Variants in MTMR7 observed in about 807,000 individuals in gnomAD.
MTMR7 encodes phosphatidylinositol-3-phosphate phosphatase MTMR7.
A neutral mutation model predicts 81.2 loss-of-function variants in MTMR7; 76 were observed. The ratio of observed to expected loss-of-function variants is 0.94; its 90% CI spans 0.78 to 1.13. The LOEUF (loss-of-function observed/expected upper bound fraction) is 1.13. Ranked by LOEUF, MTMR7 falls within the 50% of genes most tolerant of loss-of-function variation. MTMR7 has a pLI of 0.00. For missense variants in MTMR7, 1,044 were observed against 820.0 expected (o/e 1.27, Z -3.34); for synonymous variants, 372 against 289.8 (o/e 1.28, Z -2.88).
intron 7 of MTMR7, among the ~76,000 whole-genome samples, chr8:17,330,216 C>T (rs1026854993): frequency 7.2e-5 from 11 of 152,168 alleles, no homozygotes; most frequent in African/African-American, 2.2e-4. Flanking sequence ...TGAGAGCAAA[C>T]GTGGATTCCT....
rs55910829 is a variant in MTMR7, at chr8:17,346,884, T to TAAAAAAAA, written c.597+2061_597+2068dup. On this transcript the variant is annotated intron_variant, in intron 5 of 13. Transcript: ENST00000180173. ...CCTATCTCTATTTATCCTATCTTAA[T>TAAAAAAAA]AAAAAAAAAAAAAAAAAAAAAAAAA... is the stretch of plus-strand genomic sequence containing the variant. 1.4e-4 allele frequency among the ~76,000 whole-genome samples: 9 copies of TAAAAAAAA among 65,048 alleles called. 1 individual carries two copies. Among genetic ancestry groups the TAAAAAAAA allele is most frequent in the African/African-American group, 4.4e-4 (8 of 18,136 alleles). The allele number at this position is 65,048 out of a possible 152,430, so 42.7% of individuals were successfully genotyped here.
At chr8:17,357,013 T>C (rs1027522389) in intron 4 of MTMR7, among the ~76,000 whole-genome samples, 3 of 151,984 alleles carry the variant, frequency 2.0e-5, no homozygotes, top group African/African-American at 7.3e-5. Context: ...CTACAAGACA[T>C]ATACAGCCCA....
intron 3 of MTMR7, 76 bp from the exon 4 acceptor site, chr8:17,361,350 C>G: frequency 6.4e-7 from 1 of 1,556,324 alleles, no homozygotes; most frequent in South Asian, 1.1e-5. Context: ...AACATTCTGT[C>G]CCACCTGGAG....
At chr8:17,374,959 G>A (rs565925374) in intron 1 of MTMR7, among the ~76,000 whole-genome samples, 101 of 152,176 alleles carry the variant, frequency 6.6e-4, no homozygotes, top group Middle Eastern at 6.8e-3. Flanking sequence ...CGTGGTGCCC[G>A]GCACCTATAA....
rs1353086612 is a variant in MTMR7 at position 17,311,633 on chromosome 8, C to A, written c.979G>T (p.Val327Leu). Residue 327 changes from valine (V) to leucine (L), a missense_variant, in exon 9 of 14, where the codon GTG becomes TTG. By Grantham distance (32) the Val-to-Leu change is conservative. Transcript: ENST00000180173. Reference protein sequence around the residue: ...MDAGIFIAKAVSEEGASVLVH... With the variant: ...MDAGIFIAKALSEEGASVLVH... The stretch of plus-strand genomic sequence containing the variant: ...AGCACACTTGCCCCTTCCTCTGACA[C>A]TGCCTAGAAAACACACGATCCGCAA... 1 of 1,614,156 alleles carries A rather than the reference C, an allele frequency of 6.2e-7. No individual in the cohort carries two copies. The highest frequency in any genetic ancestry group is 2.2e-5 in the East Asian group (1 of 44,878).
Position 17,373,166 on chromosome 8 carries a change from G to A in MTMR7, c.99C>T (p.Thr33=). 6.2e-7 allele frequency: 1 copy of A among 1,613,676 alleles called. No homozygotes were observed. Among genetic ancestry groups the A allele is most frequent in the South Asian group, 1.1e-5 (1 of 91,052 alleles). ...GTGAATTTTCCACGAATATGACATG[G>A]GTAGCCGTCAAATACAAAGTACCTA... is the stretch of plus-strand genomic sequence containing the variant. ...AALGTLYLTA[T]HVIFVENSPD... is the part of the protein sequence containing the mutation. The change falls in exon 2 of 14, where the codon ACC becomes ACT. Residue 33 remains threonine, a synonymous_variant. Transcript: ENST00000180173.
intron 1 of MTMR7, among the ~76,000 whole-genome samples, chr8:17,377,785 A>G (rs1220646616): frequency 6.6e-6 from 1 of 152,162 alleles, no homozygotes; most frequent in Non-Finnish European, 1.5e-5. Context: ...TTTGACCTGA[A>G]AGTTTTTAAG....
intron 7 of MTMR7, among the ~76,000 whole-genome samples, chr8:17,315,455 G>A (rs929285275): frequency 1.3e-5 from 2 of 152,118 alleles, no homozygotes; most frequent in African/African-American, 4.8e-5. Context: ...AGAGGGAACC[G>A]TACAGTGGAC....
chr8:17,330,078 T>C (rs562535748), intron 7 of MTMR7, among the ~76,000 whole-genome samples: 19 of 152,166 alleles, frequency 1.2e-4, no homozygotes, highest in Non-Finnish European at 2.6e-4. Flanking sequence ...TGTTCAAAGT[T>C]TCATAATGAC....
At chr8:17,408,837 G>A (rs1347670975) in intron 1 of MTMR7, among the ~76,000 whole-genome samples, 4 of 151,998 alleles carry the variant, frequency 2.6e-5, no homozygotes, top group Admixed American at 6.6e-5. Context: ...ACTACTAATG[G>A]GCTAACTACT....
At chr8:17,395,127 T>C (rs1448966300) in intron 1 of MTMR7, among the ~76,000 whole-genome samples, 1 of 152,142 alleles carries the variant, frequency 6.6e-6, no homozygotes, top group African/African-American at 2.4e-5. Context: ...TTTTCATTTC[T>C]AAGAATTCTA....
chr8:17,398,387 T>C (rs1256037804), intron 1 of MTMR7, among the ~76,000 whole-genome samples: 1 of 151,530 alleles, frequency 6.6e-6, no homozygotes, highest in African/African-American at 2.4e-5. Flanking sequence ...AATTCTGGAG[T>C]TGAAAAATGC....
chr8:17,304,768 T>TGTGTGTGTGTGTGTGTGTG (rs1563315402), intron 11 of MTMR7, among the ~76,000 whole-genome samples: 5 of 147,630 alleles, frequency 3.4e-5, no homozygotes, highest in Admixed American at 6.8e-5. Context: ...TGTGTGTGTG[T>TGTGTGTGTGTGTGTGTGTG]TAAGCTGTTC....
intron 1 of MTMR7, among the ~76,000 whole-genome samples, chr8:17,406,796 G>A (rs183695279): frequency 6.6e-6 from 1 of 152,098 alleles, no homozygotes; most frequent in Non-Finnish European, 1.5e-5. Context: ...AAAACGAAAT[G>A]AAGTACTGAT....
intron 12 of MTMR7, 55 bp from the exon 13 acceptor site, chr8:17,302,335 C>T (rs1050752866): frequency 9.6e-6 from 15 of 1,559,212 alleles, no homozygotes; most frequent in Admixed American, 2.0e-5. Context: ...TGAAAATTCA[C>T]ATCCTCAAGT....
chr8:17,332,721 C>G (rs564923861), intron 6 of MTMR7, among the ~76,000 whole-genome samples: 2 of 152,170 alleles, frequency 1.3e-5, no homozygotes, highest in Non-Finnish European at 2.9e-5. Context: ...AAGTCAGAGA[C>G]CCTCTGTGCA....
intron 13 of MTMR7, among the ~76,000 whole-genome samples, chr8:17,300,576 G>A (rs1817046442): frequency 6.6e-6 from 1 of 152,148 alleles, no homozygotes; most frequent in African/African-American, 2.4e-5. Context: ...TAGAAATCAT[G>A]AATGAAGTGT....
chr8:17,365,533 G>A (rs746094270), intron 3 of MTMR7, among the ~76,000 whole-genome samples: 28 of 152,116 alleles, frequency 1.8e-4, no homozygotes, highest in Non-Finnish European at 3.4e-4. Flanking sequence ...CACAGTCTAA[G>A]CCAGCATATC....
intron 3 of MTMR7, 57 bp downstream of exon 3, chr8:17,370,980 T>A (rs1820400415): frequency 1.3e-6 from 2 of 1,564,242 alleles, no homozygotes; most frequent in Non-Finnish European, 1.7e-6. Flanking sequence ...TTCTTGAATC[T>A]GATTTGCAAA....
Sources: gnomAD v4.1 joint callset for allele counts (sites outside exome capture counted in the v4.1 genomes callset) on GRCh38, gnomAD v4.1.1 for gene constraint, MANE v1.5 for transcripts, NCBI Gene and HGNC (gene_info 2026-07-23, HGNC 2026-07-21) for gene names.